The following ZCCHC14 variants were observed in gnomAD, a reference collection of about 807,000 sequenced individuals.
The protein encoded by ZCCHC14 is zinc finger CCHC domain-containing protein 14.
In ZCCHC14, 16 loss-of-function variants were observed where a neutral mutation model predicts 85.0. The observed-to-expected ratio is 0.19, with a 90% CI of 0.13 to 0.29. The LOEUF (loss-of-function observed/expected upper bound fraction) is 0.29, where lower values mean the gene tolerates loss of function less well. ZCCHC14 is among the 10% of genes least tolerant of loss of function. The pLI is 1.00. For synonymous variants in ZCCHC14, 775 were observed against 630.7 expected (o/e 1.23, Z -3.43); for missense variants, 1,303 against 1,443.5 (o/e 0.90, Z 1.58).
Position 87,411,553 on chromosome 16 carries a change from C to G in ZCCHC14, c.3168G>C (p.Gln1056His). 6.2e-7 allele frequency: 1 copy of G among 1,613,696 alleles called. No individual in the cohort carries two copies. Among genetic ancestry groups the G allele is most frequent in the Non-Finnish European group, 8.5e-7 (1 of 1,180,018 alleles). Residue 1056 changes from glutamine to histidine, a missense_variant, in exon 12 of 13, where the codon CAG (glutamine) becomes CAC (histidine). Around this residue, in one of 7 missense-constraint regions of ZCCHC14, gnomAD observed 797 missense variants for 730.8 expected, o/e 1.09. Coordinates refer to ENST00000671377, the MANE Select transcript of ZCCHC14 (RefSeq NM_015144.3). ...YNCGATGHRA[Q>H]DCKQPSMDFN... The stretch of plus-strand genomic sequence containing the variant: ...AGTCCATGGACGGCTGTTTGCAGTC[C>G]TGGGCGCGGTGACCAGTGGCCCCGC...
rs567484343 is a variant in ZCCHC14, at chr16:87,477,148, A to C, written c.570+14521T>G. On this transcript the variant is annotated intron_variant, in intron 1 of 12. Coordinates refer to ENST00000671377, the MANE Select transcript of ZCCHC14 (RefSeq NM_015144.3). ...AAAAAAAAAAAAAAAAAAACAAAAC[A>C]AAACCAAAAAAAAATTGAAGTGGTG... Among the ~76,000 whole-genome samples, 44 of 107,202 alleles carry C rather than the reference A, an allele frequency of 4.1e-4. No individual in the cohort carries two copies. In the East Asian group the frequency reaches 0.011, roughly 26 times the overall value. The allele number at this position is 107,202 out of a possible 152,430, so 70.3% of individuals were successfully genotyped here.
At position 87,460,083 on chromosome 16, in the gene ZCCHC14, C is replaced by G. The variant is rs370571571; in HGVS notation, c.619G>C (p.Glu207Gln). ...APVSSVSNSL[E>Q]NALHTSAHST... ...TGTGCTGATGTGTGCAGGGCATTCT[C>G]CAAACTATTACTGACACTGCTGACA... Residue 207 changes from glutamate (E) to glutamine (Q), a missense_variant, in exon 2 of 13, where the codon GAG (glutamate) becomes CAG (glutamine). Physicochemically the swap from Glu to Gln is conservative, Grantham distance 29. Coordinates refer to ENST00000671377, the MANE Select transcript of ZCCHC14 (RefSeq NM_015144.3). 16 of 1,614,032 alleles carry G rather than the reference C, an allele frequency of 9.9e-6. No homozygotes were observed. In the African/African-American group the frequency reaches 1.1e-4, roughly 11 times the overall value.
intron 10 of ZCCHC14, among the ~76,000 whole-genome samples, chr16:87,413,826 T>G (rs1908618997): frequency 7.6e-6 from 1 of 132,320 alleles, no homozygotes; most frequent in African/African-American, 2.7e-5. Flanking sequence ...GGGTGGGGGG[T>G]GGGCGCAGGC....
At chr16:87,423,959 G>A (rs544855312) in intron 3 of ZCCHC14, 78 bp from the exon 4 acceptor site, 296 of 1,494,778 alleles carry the variant, frequency 2.0e-4, no homozygotes, top group Middle Eastern at 1.4e-3. Context: ...TGGTACGACT[G>A]GGGCACACGT....
chr16:87,480,831 T>C (rs1912234194), intron 1 of ZCCHC14, among the ~76,000 whole-genome samples: 2 of 152,130 alleles, frequency 1.3e-5, no homozygotes, highest in South Asian at 2.1e-4. Context: ...ATAATGCGTA[T>C]AGGGGTATCA....
At chr16:87,455,139 T>G (rs1335366342) in intron 2 of ZCCHC14, among the ~76,000 whole-genome samples, 1 of 152,004 alleles carries the variant, frequency 6.6e-6, no homozygotes, top group Non-Finnish European at 1.5e-5. Context: ...AAATACAAAA[T>G]TAGGCAGGCG....
intron 2 of ZCCHC14, among the ~76,000 whole-genome samples, chr16:87,455,226 T>C (rs1033406593): frequency 1.3e-5 from 2 of 152,000 alleles, no homozygotes; most frequent in Admixed American, 6.6e-5. Flanking sequence ...AGGTGGAGGT[T>C]GTGGTGAACC....
chr16:87,467,222 G>A (rs2150765597), intron 1 of ZCCHC14: 2 of 1,550,128 alleles, frequency 1.3e-6, no homozygotes, highest in Admixed American at 1.7e-5. Context: ...AAACTCGAAT[G>A]AGGACTGCAA....
chr16:87,456,632 T>C (rs569844725), intron 2 of ZCCHC14, among the ~76,000 whole-genome samples: 127 of 152,112 alleles, frequency 8.3e-4, no homozygotes, highest in Non-Finnish European at 1.6e-3. Flanking sequence ...GATTTTGTTT[T>C]GGAGTTTGGT....
rs573696734 is a variant in ZCCHC14 at position 87,435,638 on chromosome 16, GC to G, written c.695-2438del. Among the ~76,000 whole-genome samples the G allele has an allele frequency of 1.7e-4, 26 of 152,404 alleles. No individual in the cohort carries two copies. In the East Asian group the frequency reaches 5.0e-3, roughly 29 times the overall value. ...CCACGTCCCAGGTCACCCTGCAGGT[GC>G]TGTGAGGGTCGTGGAGCACGAGGCA... On this transcript the variant is annotated intron_variant, in intron 2 of 12. Coordinates refer to ENST00000671377, the MANE Select transcript of ZCCHC14 (RefSeq NM_015144.3).
Position 87,491,652 on chromosome 16 carries a change from T to C in ZCCHC14, c.570+17A>G. 1 of 1,392,740 alleles carries C rather than the reference T, an allele frequency of 7.2e-7. No individual in the cohort carries two copies. Among genetic ancestry groups the C allele is most frequent in the Non-Finnish European group, 9.3e-7 (1 of 1,078,734 alleles). 86.3% of individuals were successfully genotyped at this position (1,392,740 alleles called of 1,614,324 possible). The stretch of plus-strand genomic sequence containing the variant: ...GCAGACTTGGGGTACAGGGCAGAGC[T>C]CGGGGCGGGCACGCACCTTGTGGCA... On this transcript the variant is annotated intron_variant, in intron 1 of 12. Coordinates refer to ENST00000671377, the MANE Select transcript of ZCCHC14 (RefSeq NM_015144.3). This position sits in a 1 kb window ranked among gnomAD's most constrained non-coding sequence, Gnocchi z 5.9.
At chr16:87,487,836 C>T (rs1286447693) in intron 1 of ZCCHC14, among the ~76,000 whole-genome samples, 4 of 152,142 alleles carry the variant, frequency 2.6e-5, no homozygotes, top group African/African-American at 9.7e-5. Flanking sequence ...ACACCCACAG[C>T]ATGGACGGGC....
chr16:87,436,288 C>T (rs1053650665), intron 2 of ZCCHC14, among the ~76,000 whole-genome samples: 18 of 152,248 alleles, frequency 1.2e-4, no homozygotes, highest in African/African-American at 3.9e-4. Context: ...TTGGCGCATC[C>T]CTCTGCAGAA....
intron 2 of ZCCHC14, among the ~76,000 whole-genome samples, chr16:87,450,230 G>A (rs1395734297): frequency 1.3e-5 from 2 of 152,192 alleles, no homozygotes; most frequent in Non-Finnish European, 2.9e-5. Flanking sequence ...TTGGAAAACT[G>A]TGTTCTTAAG....
At chr16:87,430,292 A>C (rs1271719642) in intron 3 of ZCCHC14, among the ~76,000 whole-genome samples, 1 of 152,052 alleles carries the variant, frequency 6.6e-6, no homozygotes, top group Non-Finnish European at 1.5e-5. Context: ...TCTGCTGAAA[A>C]GCGCATCCTT....
At chr16:87,441,214 G>A (rs551705258) in intron 2 of ZCCHC14, among the ~76,000 whole-genome samples, 1 of 151,566 alleles carries the variant, frequency 6.6e-6, no homozygotes, top group East Asian at 2.0e-4. Context: ...GGATGGTCTC[G>A]ATCTCCCGAC....
At chr16:87,452,545 A>T (rs1044986795) in intron 2 of ZCCHC14, among the ~76,000 whole-genome samples, 1 of 152,210 alleles carries the variant, frequency 6.6e-6, no homozygotes, top group East Asian at 1.9e-4. Flanking sequence ...TTTGAGGGAC[A>T]CAAGAAGAGG....
chr16:87,467,563 T>TTGAA, intron 1 of ZCCHC14: 2 of 1,548,956 alleles, frequency 1.3e-6, no homozygotes, highest in Non-Finnish European at 1.8e-6. Context: ...ATCCCACCAA[T>TTGAA]TCCCGTTGGT....
intron 2 of ZCCHC14, among the ~76,000 whole-genome samples, chr16:87,449,259 T>C (rs1162476622): frequency 6.6e-6 from 1 of 152,238 alleles, no homozygotes; most frequent in Non-Finnish European, 1.5e-5. Flanking sequence ...ACAAGCTTCC[T>C]TACATCCTTT....
Sources: allele counts gnomAD v4.1 joint callset (sites outside exome capture counted in the v4.1 genomes callset), GRCh38; gene constraint gnomAD v4.1.1; regional missense constraint gnomAD v4.1.1; non-coding constraint Gnocchi (gnomAD v3.1); transcripts MANE v1.5; gene names NCBI Gene and HGNC (gene_info 2026-07-23, HGNC 2026-07-21).